The following TYR variants were observed in gnomAD, a reference collection of about 807,000 sequenced individuals.
TYR encodes the protein tyrosinase, also known as LB24-AB.
TYR carries 58 observed loss-of-function variants against 51.5 expected under a neutral mutation model. The observed-to-expected ratio is 1.13, with a 90% CI of 0.91 to 1.40. The LOEUF is 1.40. TYR is among the 40% of genes most tolerant of loss of function. The pLI, the probability that TYR is intolerant of heterozygous loss-of-function variation, is 0.00. For missense variants in TYR, 732 were observed against 647.4 expected (o/e 1.13, Z -1.42); for synonymous variants, 263 against 235.2 (o/e 1.12, Z -1.08).
chr11:89,249,471 CAA>C (rs35342940), intron 3 of TYR, among the ~76,000 whole-genome samples: 7 of 69,746 alleles, frequency 1.0e-4, no homozygotes, highest in Admixed American at 1.7e-4. Flanking sequence ...GCCATGTAGC[CAA>C]AAAAAAAAAA....
At chr11:89,180,152 A>C (rs894108874) in intron 1 of TYR, among the ~76,000 whole-genome samples, 4 of 152,184 alleles carry the variant, frequency 2.6e-5, no homozygotes, top group African/African-American at 9.7e-5. Context: ...AGGCTAGAAA[A>C]AATGTGCTTG....
intron 2 of TYR, among the ~76,000 whole-genome samples, chr11:89,209,264 C>T (rs2135267855): frequency 6.6e-6 from 1 of 152,328 alleles, no homozygotes; most frequent in South Asian, 2.1e-4. Context: ...ATGCTCTTTG[C>T]AACCAGCAGA....
At chr11:89,184,515 GT>G (rs1349017877) in intron 1 of TYR, among the ~76,000 whole-genome samples, 1 of 152,106 alleles carries the variant, frequency 6.6e-6, no homozygotes, top group Non-Finnish European at 1.5e-5. Context: ...GGAAACTTGT[GT>G]TTCAGTGCTT....
At position 89,178,463 on chromosome 11, in the gene TYR, C is replaced by T; in HGVS notation, c.510C>T (p.Ile170=). ...GATCAACACCCATGTTTAACGACAT[C>T]AATATTTATGACCTCTTTGTCTGGA... ...KNGSTPMFND[I]NIYDLFVWMH... Residue 170 remains isoleucine, a synonymous_variant, in exon 1 of 5, where the codon ATC becomes ATT. Transcript: ENST00000263321. 2 of 1,614,152 alleles carry T rather than the reference C, an allele frequency of 1.2e-6. No individual in the cohort carries two copies. Among genetic ancestry groups the T allele is most frequent in the Non-Finnish European group, 1.7e-6 (2 of 1,180,014 alleles).
chr11:89,211,079 A>C (rs1317544377), intron 2 of TYR, among the ~76,000 whole-genome samples: 1 of 152,204 alleles, frequency 6.6e-6, no homozygotes, highest in Non-Finnish European at 1.5e-5. Context: ...ACCAGTTAGC[A>C]TCATAATGGC....
chr11:89,261,794 G>A (rs1944459264), intron 3 of TYR, among the ~76,000 whole-genome samples: 2 of 151,886 alleles, frequency 1.3e-5, no homozygotes, highest in Non-Finnish European at 2.9e-5. Flanking sequence ...TTAATTACAT[G>A]TGAGACCATA....
chr11:89,194,047 A>G (rs1379775577), intron 2 of TYR, among the ~76,000 whole-genome samples: 2 of 152,180 alleles, frequency 1.3e-5, no homozygotes, highest in African/African-American at 2.4e-5. Context: ...TATCAAATCT[A>G]CTGTATATCA....
chr11:89,258,189 C>T (rs1312006355), intron 3 of TYR, among the ~76,000 whole-genome samples: 2 of 151,954 alleles, frequency 1.3e-5, no homozygotes, highest in African/African-American at 4.8e-5. Context: ...TCTATCTGAA[C>T]ACAGATGAGA....
chr11:89,202,560 G>A (rs1943610323), intron 2 of TYR, among the ~76,000 whole-genome samples: 1 of 149,392 alleles, frequency 6.7e-6, no homozygotes, highest in Non-Finnish European at 1.5e-5. Flanking sequence ...CGCCAATTTG[G>A]CAGTCCTAAC....
Position 89,284,954 on chromosome 11 carries a change from G to A in TYR, c.1366G>A (p.Asp456Asn), listed in dbSNP as rs1211014441. ...TGACTATAGCTATCTACAAGATTCA[G>A]GTAAAGTTTACTTTCTTTCAGAGGA... ...GYDYSYLQDS[D>N]PDSFQDYIKS... Residue 456 changes from aspartate (D) to asparagine (N), a missense_variant and splice_region_variant, in exon 4 of 5, where the codon GAC (aspartate) becomes AAC (asparagine). Asp to Asn is a conservative substitution (Grantham distance 23). Coordinates refer to ENST00000263321, the MANE Select transcript of TYR (RefSeq NM_000372.5). The A allele has an allele frequency of 3.1e-6, 5 of 1,610,460 alleles. No individual in the cohort carries two copies. The highest frequency in any genetic ancestry group is 1.3e-5 in the African/African-American group (1 of 74,678).
chr11:89,283,246 A>G (rs1257513960), intron 3 of TYR, among the ~76,000 whole-genome samples: 2 of 151,976 alleles, frequency 1.3e-5, no homozygotes, highest in Middle Eastern at 3.4e-3. Context: ...ACCAACTTTG[A>G]CCACAAGTAG....
chr11:89,212,551 A>G (rs890323393), intron 2 of TYR, among the ~76,000 whole-genome samples: 10 of 149,906 alleles, frequency 6.7e-5, no homozygotes, highest in African/African-American at 2.5e-4. Context: ...TATTCCAATC[A>G]ATAGAAAAAC....
At chr11:89,198,225 A>G (rs761581310) in intron 2 of TYR, among the ~76,000 whole-genome samples, 3 of 148,044 alleles carry the variant, frequency 2.0e-5, no homozygotes, top group Admixed American at 6.6e-5. Flanking sequence ...CAACAACAAC[A>G]ACAAAAAAAA....
At chr11:89,203,942 T>C (rs1481586397) in intron 2 of TYR, among the ~76,000 whole-genome samples, 4 of 152,214 alleles carry the variant, frequency 2.6e-5, no homozygotes, top group Non-Finnish European at 5.9e-5. Flanking sequence ...ACTAGACTTC[T>C]ACCCTTACTA....
At chr11:89,268,917 T>C (rs1944557166) in intron 3 of TYR, among the ~76,000 whole-genome samples, 1 of 152,074 alleles carries the variant, frequency 6.6e-6, no homozygotes, top group South Asian at 2.1e-4. Flanking sequence ...TTTCCCATAA[T>C]TTACTCATCC....
At chr11:89,182,810 A>G (rs563544783) in intron 1 of TYR, among the ~76,000 whole-genome samples, 3 of 152,276 alleles carry the variant, frequency 2.0e-5, no homozygotes, top group African/African-American at 7.2e-5. Context: ...CCAACAGATC[A>G]GCTAGCTACA....
intron 3 of TYR, among the ~76,000 whole-genome samples, chr11:89,236,170 C>T (rs373142060): frequency 6.6e-6 from 1 of 151,668 alleles, no homozygotes; most frequent in Non-Finnish European, 1.5e-5. Context: ...AATAGCTAGC[C>T]GTTTGCAGAA....
At chr11:89,257,040 G>C (rs1301466187) in intron 3 of TYR, among the ~76,000 whole-genome samples, 2 of 151,938 alleles carry the variant, frequency 1.3e-5, no homozygotes, top group Admixed American at 6.6e-5. Context: ...TGATAAGAAA[G>C]CTAGAAGCTA....
At chr11:89,185,858 T>A (rs1354879069) in intron 1 of TYR, among the ~76,000 whole-genome samples, 1 of 152,186 alleles carries the variant, frequency 6.6e-6, no homozygotes, top group Non-Finnish European at 1.5e-5. Context: ...CTTTTTGGCT[T>A]ACGTAGTCAC....
Sources: allele counts gnomAD v4.1 joint callset (sites outside exome capture counted in the v4.1 genomes callset), GRCh38; gene constraint gnomAD v4.1.1; transcripts MANE v1.5; gene names NCBI Gene and HGNC (gene_info 2026-07-23, HGNC 2026-07-21).